ANKMY1: variants seen among roughly 807,000 people sequenced by gnomAD.
ANKMY1 encodes the protein ankyrin repeat and MYND domain-containing protein 1.
A neutral mutation model predicts 102.0 loss-of-function variants in ANKMY1; 98 were observed. The ratio of observed to expected loss-of-function variants is 0.96; its 90% CI spans 0.82 to 1.14. The LOEUF is 1.14. Ranked by LOEUF, ANKMY1 falls within the 50% of genes most tolerant of loss-of-function variation. ANKMY1 has a pLI of 0.00. For synonymous variants in ANKMY1, 582 were observed against 559.9 expected (o/e 1.04, Z -0.56); for missense variants, 1,330 against 1,347.6 (o/e 0.99, Z 0.20).
At position 240,557,258 on chromosome 2, in the gene ANKMY1, C is replaced by A; in HGVS notation, c.78G>T (p.Gly26=). The change falls in exon 2 of 18, where the codon GGG becomes GGT. Residue 26 remains glycine (G), a synonymous_variant. Transcript: ENST00000401804. The stretch of plus-strand genomic sequence containing the variant: ...CGGCAGCAGGGGTCTCGCCGCCCTT[C>A]CCCTCTAGCGGGCGTTGGCGGCTGC... ...GAGSRQRPLE[G]KGGETPAAEE... 6.3e-7 allele frequency: 1 copy of A among 1,595,156 alleles called. No homozygotes were observed. Among genetic ancestry groups the A allele is most frequent in the Non-Finnish European group, 8.5e-7 (1 of 1,170,174 alleles).
Position 240,520,027 on chromosome 2 carries a change from A to G in ANKMY1, c.2004+335T>C. The G allele has an allele frequency of 1.9e-6, 1 of 531,532 alleles. No individual in the cohort carries two copies. The highest frequency in any genetic ancestry group is 3.8e-6 in the Non-Finnish European group (1 of 265,616). The allele number at this position is 531,532 out of a possible 1,614,324, so 32.9% of individuals were successfully genotyped here. ...CCTTGTGATGCTGAGCGTGGGTTGA[A>G]AGGAGGCCCGCCTCCTCCTGAATAT... On this transcript the variant is annotated intron_variant, in intron 9 of 17. Coordinates refer to ENST00000401804, the MANE Select transcript of ANKMY1 (RefSeq NM_001282771.3). This position sits in a 1 kb window ranked among gnomAD's most constrained non-coding sequence, Gnocchi z 4.8.
intron 13 of ANKMY1, among the ~76,000 whole-genome samples, chr2:240,502,833 A>G (rs2078433286): frequency 1.3e-5 from 2 of 149,298 alleles, no homozygotes; most frequent in Non-Finnish European, 3.0e-5. Flanking sequence ...TCCCCTCCCA[A>G]GCCCCCACAT....
At chr2:240,509,589 T>C in intron 11 of ANKMY1, 134 bp from the exon 12 acceptor site, 1 of 640,402 alleles carries the variant, frequency 1.6e-6, no homozygotes, top group Non-Finnish European at 2.7e-6. Context: ...TTACCTTGCC[T>C]GACACAAGGT....
chr2:240,555,066 AG>A lies in ANKMY1; in HGVS notation c.147-12del. On this transcript the variant is annotated splice_polypyrimidine_tract_variant and intron_variant, in intron 2 of 17. Coordinates refer to ENST00000401804, the MANE Select transcript of ANKMY1 (RefSeq NM_001282771.3). Reference sequence around the variant, plus strand: ...GCTGCTGAAACATCCCTAAAAGGACAGGAGCAGAAGGAGGGAAGAGTGAAGT... The same window carrying A: ...GCTGCTGAAACATCCCTAAAAGGACAGAGCAGAAGGAGGGAAGAGTGAAGT... 1 of 1,613,082 alleles carries A rather than the reference AG, an allele frequency of 6.2e-7. No individual in the cohort carries two copies. Among genetic ancestry groups the A allele is most frequent in the Non-Finnish European group, 8.5e-7 (1 of 1,179,308 alleles).
chr2:240,549,003 G>C (rs1270105494), intron 4 of ANKMY1, among the ~76,000 whole-genome samples: 1 of 151,886 alleles, frequency 6.6e-6, no homozygotes, highest in African/African-American at 2.4e-5. Flanking sequence ...TCACAAAATT[G>C]GAAAAAACTA....
At chr2:240,474,883 A>G (rs1451484617), downstream of ANKMY1, among the ~76,000 whole-genome samples, 3 of 152,244 alleles carry the variant, frequency 2.0e-5, no homozygotes, top group Non-Finnish European at 4.4e-5. Flanking sequence ...CAATGAACAT[A>G]TGTGTGCATA....
chr2:240,526,744 T>C, intron 5 of ANKMY1: 1 of 1,316,164 alleles, frequency 7.6e-7, no homozygotes, highest in Non-Finnish European at 9.8e-7. Flanking sequence ...ATCTGGGTGT[T>C]TGCTAAGAAA....
Position 240,529,165 on chromosome 2 carries a change from G to A in ANKMY1, c.825C>T (p.Phe275=). ...AGATGCGGGCGTCCAGCTCTTTGCG[G>A]AAAGAGCTTGTCATGGGCAGGTGGT... ...NSDHLPMTSS[F]RKELDARIFL... The change falls in exon 5 of 18, where the codon TTC becomes TTT. Residue 275 remains phenylalanine (F), a synonymous_variant. Coordinates refer to ENST00000401804, the MANE Select transcript of ANKMY1 (RefSeq NM_001282771.3). The surrounding 1 kb of genome is among the most constrained non-coding windows in gnomAD (Gnocchi z 4.2). 6.2e-7 allele frequency: 1 copy of A among 1,614,180 alleles called. No individual in the cohort carries two copies. Among genetic ancestry groups the A allele is most frequent in the Non-Finnish European group, 8.5e-7 (1 of 1,180,018 alleles).
chr2:240,528,120 C>T (rs1466700301), intron 5 of ANKMY1, among the ~76,000 whole-genome samples: 2 of 152,064 alleles, frequency 1.3e-5, no homozygotes, highest in East Asian at 3.9e-4. Flanking sequence ...AACCCCGTCT[C>T]TACTAAAAAT....
chr2:240,492,051 C>T (rs1054218705), intron 15 of ANKMY1, among the ~76,000 whole-genome samples: 1 of 152,078 alleles, frequency 6.6e-6, no homozygotes, highest in African/African-American at 2.4e-5. Context: ...TGCTCTGTCA[C>T]CCAGGCTGGA....
chr2:240,469,694 A>T, the ANKMY1 span, among the ~76,000 whole-genome samples: 1 of 123,618 alleles, frequency 8.1e-6, no homozygotes, highest in Non-Finnish European at 1.8e-5. Context: ...ACGAACACAT[A>T]CAACACCCTG....
At chr2:240,490,615 G>T (rs546143835) in intron 15 of ANKMY1, among the ~76,000 whole-genome samples, 1 of 152,102 alleles carries the variant, frequency 6.6e-6, no homozygotes, top group African/African-American at 2.4e-5. Context: ...TTAAATAGTA[G>T]AAATTATGCA....
the ANKMY1 span, among the ~76,000 whole-genome samples, chr2:240,472,392 G>T: frequency 6.6e-6 from 1 of 152,010 alleles, no homozygotes; most frequent in Non-Finnish European, 1.5e-5. Flanking sequence ...CTGACAGGAG[G>T]CATGCCCATC....
chr2:240,503,346 C>T (rs1165044147), intron 13 of ANKMY1, among the ~76,000 whole-genome samples: 4 of 152,198 alleles, frequency 2.6e-5, no homozygotes, highest in Non-Finnish European at 5.9e-5. Flanking sequence ...CTGGAGGGGA[C>T]TTTCTGAAGG....
chr2:240,499,939 A>AGCAGG lies in ANKMY1; in HGVS notation c.2806+14_2806+18dup. On this transcript the variant is annotated intron_variant, in intron 15 of 17. Transcript: ENST00000401804. The surrounding 1 kb of genome is among the most constrained non-coding windows in gnomAD (Gnocchi z 4.2). ...AACGCCGCCCTGTGGAGCAGAGCAG[A>AGCAGG]GCAGGGCCCACTGCTCACCTCTCTT... 6.2e-7 allele frequency: 1 copy of AGCAGG among 1,606,642 alleles called. No individual in the cohort carries two copies. Among genetic ancestry groups the AGCAGG allele is most frequent in the Non-Finnish European group, 8.5e-7 (1 of 1,175,734 alleles).
At chr2:240,552,316 GT>G (rs928647208) in intron 4 of ANKMY1, among the ~76,000 whole-genome samples, 16 of 151,846 alleles carry the variant, frequency 1.1e-4, no homozygotes, top group East Asian at 1.9e-4. Context: ...TGCAGAGTTT[GT>G]TTTTTTTCTG....
chr2:240,552,826 T>A lies in ANKMY1; in HGVS notation c.480+88A>T, dbSNP rs1485455058. ...GCTACTTGTAGCTAAACAAATAAAC[T>A]TCCCCAGGACCGAAATATCTTTTTG... On this transcript the variant is annotated intron_variant, in intron 4 of 17. Coordinates refer to ENST00000401804, the MANE Select transcript of ANKMY1 (RefSeq NM_001282771.3). 2.5e-6 allele frequency: 4 copies of A among 1,593,636 alleles called. No individual in the cohort carries two copies. The African/African-American group carries it at 5.4e-5, about 21-fold the overall frequency.
At chr2:240,547,138 G>T (rs2090551380) in intron 4 of ANKMY1, among the ~76,000 whole-genome samples, 1 of 152,082 alleles carries the variant, frequency 6.6e-6, no homozygotes, top group Non-Finnish European at 1.5e-5. Flanking sequence ...AAATGTAAAA[G>T]AACAGAAATT....
At chr2:240,560,528 C>A, upstream of ANKMY1, 1 of 1,138,136 alleles carries the variant, frequency 8.8e-7, no homozygotes, top group Non-Finnish European at 1.1e-6. Context: ...CCAGCGCCCG[C>A]GGGGGACCCA....
Sources: allele counts gnomAD v4.1 joint callset (sites outside exome capture counted in the v4.1 genomes callset), GRCh38; gene constraint gnomAD v4.1.1; non-coding constraint Gnocchi (gnomAD v3.1); transcripts MANE v1.5; gene names NCBI Gene and HGNC (gene_info 2026-07-23, HGNC 2026-07-21).